The following CIT variants were observed in gnomAD, a reference collection of about 807,000 sequenced individuals.
CIT encodes the protein citron Rho-interacting kinase.
In CIT, 79 loss-of-function variants were observed where a neutral mutation model predicts 272.7. That is an observed-to-expected ratio of 0.29 (90% CI 0.24 to 0.35). The LOEUF is 0.35. Among genes scored for constraint, CIT ranks in the 10% least tolerant of loss-of-function variants. The pLI, the probability that CIT is intolerant of heterozygous loss-of-function variation, is 1.00. For synonymous variants in CIT, 948 were observed against 995.6 expected, an observed-to-expected ratio of 0.95 and a Z score of 0.90; for missense variants, 1,909 against 2,618.3, an observed-to-expected ratio of 0.73 and a Z score of 5.91.
chr12:119,840,531 C>G (rs1969340061), intron 5 of CIT, among the ~76,000 whole-genome samples: 1 of 152,070 alleles, frequency 6.6e-6, no homozygotes, highest in South Asian at 2.1e-4. Context: ...AAAGAACCTC[C>G]CAAAGGCAAC....
In CIT at chr12:119,697,876, G is replaced by T; in HGVS notation, c.5703-38C>A. ...AGAGTTCCAGTTACCTTCATTGCAGGCTACCTCCATTGCTAGGCAAGTTAG... is the reference window on the plus strand; with the variant it reads ...AGAGTTCCAGTTACCTTCATTGCAGTCTACCTCCATTGCTAGGCAAGTTAG... On this transcript the variant is annotated intron_variant, in intron 45 of 47. Transcript: ENST00000392521. The surrounding 1 kb of genome is among the most constrained non-coding windows in gnomAD (Gnocchi z 4.9). 1.2e-6 allele frequency: 2 copies of T among 1,613,328 alleles called. No individual in the cohort carries two copies. Among genetic ancestry groups the T allele is most frequent in the African/African-American group, 1.3e-5 (1 of 75,024 alleles).
chr12:119,776,473 T>C (rs1963759699), intron 14 of CIT, 65 bp from the exon 15 acceptor site: 1 of 1,374,826 alleles, frequency 7.3e-7, no homozygotes, highest in Admixed American at 1.8e-5. Context: ...TGTAGACTAC[T>C]TTCTTGGTCT....
At chr12:119,734,818 A>G (rs1958665813) in intron 25 of CIT, among the ~76,000 whole-genome samples, 1 of 151,498 alleles carries the variant, frequency 6.6e-6, no homozygotes, top group South Asian at 2.1e-4. Context: ...TATCTTTTTT[A>G]TTTTTATTTT....
At chr12:119,724,053 G>C (rs1957955979) in intron 28 of CIT, among the ~76,000 whole-genome samples, 1 of 152,176 alleles carries the variant, frequency 6.6e-6, no homozygotes, top group African/African-American at 2.4e-5. Flanking sequence ...CACTTTGGGA[G>C]GCCAAGGCAG....
At chr12:119,705,438 G>A (rs1956819613) in intron 40 of CIT, among the ~76,000 whole-genome samples, 1 of 152,112 alleles carries the variant, frequency 6.6e-6, no homozygotes, top group Non-Finnish European at 1.5e-5. Flanking sequence ...GATGGGCCGG[G>A]ATAAGGGAGG....
At chr12:119,862,836 A>AAAAAAAAAAAAAAAAG (rs1950391787) in intron 3 of CIT, among the ~76,000 whole-genome samples, 1 of 137,050 alleles carries the variant, frequency 7.3e-6, no homozygotes, top group East Asian at 2.1e-4. Flanking sequence ...AAAAAAAAAA[A>AAAAAAAAAAAAAAAAG]AAAAGAAAAA....
chr12:119,798,663 G>T (rs1301872484), intron 10 of CIT, among the ~76,000 whole-genome samples: 2 of 152,144 alleles, frequency 1.3e-5, no homozygotes, highest in Non-Finnish European at 2.9e-5. Context: ...CCATTAGTAT[G>T]CTTATAAGCC....
chr12:119,817,460 C>T (rs943598587), intron 9 of CIT, among the ~76,000 whole-genome samples: 3 of 151,816 alleles, frequency 2.0e-5, no homozygotes, highest in Non-Finnish European at 4.4e-5. Context: ...TGCAGTGAGC[C>T]GAGATCACGC....
chr12:119,700,627 C>T (rs1227930193), intron 44 of CIT, 118 bp downstream of exon 44: 47 of 820,502 alleles, frequency 5.7e-5, no homozygotes, highest in Admixed American at 9.1e-5. Context: ...ATGATCCACC[C>T]GCCTCGGCCT....
In CIT at chr12:119,714,607, A is replaced by G. The variant is rs572659457; in HGVS notation, c.4169-273T>C. ...TGCTCAACATTATCAGTCGTTAGAG[A>G]GATGTGAATCAAAACCCCAAGCAGA... On this transcript the variant is annotated intron_variant, in intron 32 of 47. Coordinates refer to ENST00000392521, the MANE Select transcript of CIT (RefSeq NM_001206999.2). Among the ~76,000 whole-genome samples, 7 of 152,306 alleles carry G rather than the reference A, an allele frequency of 4.6e-5. No individual in the cohort carries two copies. The South Asian group carries it at 1.5e-3, about 32-fold the overall frequency.
At chr12:119,836,642 A>C (rs1339297036) in intron 5 of CIT, among the ~76,000 whole-genome samples, 1 of 152,258 alleles carries the variant, frequency 6.6e-6, no homozygotes, top group South Asian at 2.1e-4. Flanking sequence ...AATAAGAACA[A>C]TGCATATTTA....
intron 28 of CIT, among the ~76,000 whole-genome samples, chr12:119,727,460 C>T (rs912445180): frequency 5.9e-5 from 9 of 151,880 alleles, no homozygotes; most frequent in Non-Finnish European, 1.2e-4. Flanking sequence ...AGGGGGAAGG[C>T]GAGGAGGGGA....
chr12:119,703,368 AAC>A (rs1956694600), intron 41 of CIT, among the ~76,000 whole-genome samples: 1 of 151,910 alleles, frequency 6.6e-6, no homozygotes, highest in Non-Finnish European at 1.5e-5. Context: ...CCCAGAATGG[AAC>A]AGTTTCTCTA....
At chr12:119,802,811 C>A (rs1383253652) in intron 10 of CIT, among the ~76,000 whole-genome samples, 1 of 152,184 alleles carries the variant, frequency 6.6e-6, no homozygotes, top group Non-Finnish European at 1.5e-5. Flanking sequence ...CCCCCATCCA[C>A]CCACTTGAGA....
chr12:119,713,497 C>T lies in CIT; in HGVS notation c.4458G>A (p.Leu1486=), dbSNP rs950313266. The change falls in exon 34 of 48, where the codon TTG becomes TTA. Residue 1486 remains leucine, a synonymous_variant. Transcript: ENST00000392521. The surrounding 1 kb of genome is among the most constrained non-coding windows in gnomAD (Gnocchi z 5.2). ...GCACCTTCATCCACCCTTCCAGGTG[C>T]AAGCTGCTGCTGGGCTCCTTGGTCT... is the stretch of plus-strand genomic sequence containing the variant. ...GLQTKEPSSS[L]HLEGWMKVPR... is the part of the protein sequence containing the mutation. 38 of 1,614,090 alleles carry T rather than the reference C, an allele frequency of 2.4e-5. No individual in the cohort carries two copies. The highest frequency in any genetic ancestry group is 3.3e-5 in the Admixed American group (2 of 60,010).
intron 40 of CIT, among the ~76,000 whole-genome samples, chr12:119,707,877 C>T (rs1392099457): frequency 1.3e-5 from 2 of 152,188 alleles, no homozygotes; most frequent in Non-Finnish European, 2.9e-5. Flanking sequence ...CTTAGACAAG[C>T]GTCAGTCTTG....
At chr12:119,724,045 CT>C (rs1207973766) in intron 28 of CIT, among the ~76,000 whole-genome samples, 4 of 152,154 alleles carry the variant, frequency 2.6e-5, no homozygotes, top group African/African-American at 9.7e-5. Context: ...AATCCTAGCA[CT>C]TTGGGAGGCC....
At chr12:119,815,509 C>G (rs916789445) in intron 9 of CIT, among the ~76,000 whole-genome samples, 1 of 152,076 alleles carries the variant, frequency 6.6e-6, no homozygotes, top group African/African-American at 2.4e-5. Context: ...GAGTTCAAGA[C>G]CAGCCTGACC....
At chr12:119,813,001 A>G (rs1966868408) in intron 9 of CIT, among the ~76,000 whole-genome samples, 1 of 151,574 alleles carries the variant, frequency 6.6e-6, no homozygotes, top group African/African-American at 2.4e-5. Context: ...CCAACCGAAC[A>G]CTCTTGTCCC....
Sources: allele counts gnomAD v4.1 joint callset (sites outside exome capture counted in the v4.1 genomes callset), GRCh38; gene constraint gnomAD v4.1.1; non-coding constraint Gnocchi (gnomAD v3.1); transcripts MANE v1.5; gene names NCBI Gene and HGNC (gene_info 2026-07-23, HGNC 2026-07-21).